SGCZ: variants seen among roughly 807,000 people sequenced by gnomAD.
SGCZ encodes the protein sarcoglycan zeta.
SGCZ carries 40 observed loss-of-function variants against 41.3 expected under a neutral mutation model. The observed-to-expected ratio is 0.97, with a 90% CI of 0.75 to 1.26. The LOEUF (loss-of-function observed/expected upper bound fraction) is 1.26. SGCZ is among the 50% of genes most tolerant of loss of function. The probability of loss-of-function intolerance (pLI) is 0.00; values close to 1 mark genes in which losing one functional copy is unlikely to be tolerated. For missense variants in SGCZ, 552 were observed against 369.8 expected (o/e 1.49, Z -4.04); for synonymous variants, 206 against 137.5 (o/e 1.50, Z -3.49).
intron 1 of SGCZ, among the ~76,000 whole-genome samples, chr8:15,144,231 A>G (rs1393442824): frequency 4.6e-5 from 7 of 152,306 alleles, no homozygotes; most frequent in Non-Finnish European, 2.9e-5. Flanking sequence ...TTCTTGGCAA[A>G]GGTTCAGACT....
intron 2 of SGCZ, among the ~76,000 whole-genome samples, chr8:14,400,437 A>G (rs1799039546): frequency 6.6e-6 from 1 of 152,140 alleles, no homozygotes; most frequent in East Asian, 1.9e-4. Context: ...AGAATAATAC[A>G]TATATAAGCA....
intron 1 of SGCZ, among the ~76,000 whole-genome samples, chr8:14,825,199 A>G (rs1457444069): frequency 6.6e-6 from 1 of 152,178 alleles, no homozygotes; most frequent in Non-Finnish European, 1.5e-5. Flanking sequence ...TTAACATTAT[A>G]CATTCATCCA....
chr8:14,431,371 C>T (rs866622793), intron 2 of SGCZ, among the ~76,000 whole-genome samples: 18 of 152,144 alleles, frequency 1.2e-4, no homozygotes, highest in Middle Eastern at 3.4e-3. Flanking sequence ...AATGGAGAAC[C>T]CAGAAATAAA....
intron 5 of SGCZ, among the ~76,000 whole-genome samples, chr8:14,155,994 T>C (rs1803864664): frequency 6.6e-6 from 1 of 152,016 alleles, no homozygotes; most frequent in South Asian, 2.1e-4. Flanking sequence ...AAAATAATGA[T>C]ATAAAAGATT....
intron 3 of SGCZ, among the ~76,000 whole-genome samples, chr8:14,268,399 T>C (rs1048229140): frequency 6.6e-6 from 1 of 151,166 alleles, no homozygotes; most frequent in Non-Finnish European, 1.5e-5. Flanking sequence ...CATTGCTTCA[T>C]ACCATTTTTG....
intron 1 of SGCZ, among the ~76,000 whole-genome samples, chr8:14,984,881 CAG>C (rs1252022642): frequency 2.0e-5 from 3 of 152,202 alleles, no homozygotes; most frequent in Non-Finnish European, 4.4e-5. Flanking sequence ...GTAGTTGACA[CAG>C]AGATTTTGAT....
intron 2 of SGCZ, among the ~76,000 whole-genome samples, chr8:14,440,953 A>T (rs541755529): frequency 6.2e-4 from 95 of 152,218 alleles, no homozygotes; most frequent in Admixed American, 4.9e-3. Flanking sequence ...AAAGTCATGG[A>T]GACTTTATGA....
chr8:14,816,999 G>A (rs539612186), intron 1 of SGCZ, among the ~76,000 whole-genome samples: 61 of 152,238 alleles, frequency 4.0e-4, no homozygotes, highest in Middle Eastern at 3.4e-3. Flanking sequence ...AGAAACTGAA[G>A]GTCAAGTGGT....
chr8:15,172,922 A>G lies in SGCZ; in HGVS notation c.39+64663T>C, dbSNP rs17655937. Among the ~76,000 whole-genome samples the G allele has an allele frequency of 6.1e-3, 925 of 152,320 alleles. 24 individuals carry two copies. In the East Asian group the frequency reaches 0.083, roughly 14 times the overall value. ...GGAAAATAAAAACTTAATATGGAAA[A>G]CGTATTAATACTAGTTAAATCCAAA... On this transcript the variant is annotated intron_variant, in intron 1 of 7. Transcript: ENST00000382080.
intron 3 of SGCZ, among the ~76,000 whole-genome samples, chr8:14,297,921 T>C (rs974583097): frequency 1.3e-5 from 2 of 151,926 alleles, no homozygotes; most frequent in African/African-American, 4.8e-5. Flanking sequence ...ATAATACAAC[T>C]AGATAAAAGT....
chr8:14,604,567 A>G (rs1805689263), intron 1 of SGCZ, among the ~76,000 whole-genome samples: 1 of 152,156 alleles, frequency 6.6e-6, no homozygotes. Flanking sequence ...TGTTTACTAC[A>G]TGTTGCAATG....
At chr8:14,278,012 A>G (rs1800295500) in intron 3 of SGCZ, among the ~76,000 whole-genome samples, 1 of 152,156 alleles carries the variant, frequency 6.6e-6, no homozygotes, top group Non-Finnish European at 1.5e-5. Context: ...GAGATTACCT[A>G]TGGGAATTCA....
intron 1 of SGCZ, among the ~76,000 whole-genome samples, chr8:15,230,201 A>G (rs1448796914): frequency 1.4e-5 from 2 of 145,662 alleles, no homozygotes; most frequent in South Asian, 2.2e-4. Flanking sequence ...AAAAAAAAAA[A>G]ACTGTAATGT....
chr8:15,061,277 A>G (rs950285383), intron 1 of SGCZ, among the ~76,000 whole-genome samples: 2 of 147,858 alleles, frequency 1.4e-5, no homozygotes, highest in Middle Eastern at 6.9e-3. Context: ...ACAAACTAAC[A>G]CAGGAACAGA....
rs535820870 is a variant in SGCZ at position 14,211,389 on chromosome 8, T to A, written c.424+26203A>T. On this transcript the variant is annotated intron_variant, in intron 4 of 7. Coordinates refer to ENST00000382080, the MANE Select transcript of SGCZ (RefSeq NM_139167.4). ...CAGTTTCCCCTGACACCGTCCATAC[T>A]TCTCCACTTATGATGTCCCAGCAAA... 4.6e-5 allele frequency among the ~76,000 whole-genome samples: 7 copies of A among 152,254 alleles called. No homozygotes were observed. In the South Asian group the frequency reaches 1.4e-3, roughly 32 times the overall value.
chr8:14,568,897 T>C (rs1040476721), intron 1 of SGCZ, among the ~76,000 whole-genome samples: 8 of 152,146 alleles, frequency 5.3e-5, no homozygotes, highest in Admixed American at 3.9e-4. Context: ...ATTCAAGCAA[T>C]TGGAAACATA....
intron 4 of SGCZ, among the ~76,000 whole-genome samples, chr8:14,207,636 G>A (rs1488757644): frequency 2.0e-5 from 3 of 151,878 alleles, no homozygotes; most frequent in African/African-American, 7.3e-5. Flanking sequence ...TTCTGTTTAT[G>A]TAGTAGTGCT....
chr8:14,145,526 G>A (rs1328317130), intron 5 of SGCZ, among the ~76,000 whole-genome samples: 1 of 152,084 alleles, frequency 6.6e-6, no homozygotes, highest in Non-Finnish European at 1.5e-5. Context: ...TCAATGCCCA[G>A]ACACCAAAGA....
chr8:14,665,042 T>G (rs1407991170), intron 1 of SGCZ, among the ~76,000 whole-genome samples: 2 of 152,180 alleles, frequency 1.3e-5, no homozygotes, highest in Non-Finnish European at 2.9e-5. Context: ...ACTCTAAGTT[T>G]TAGGGTACAT....
Sources: gnomAD v4.1 joint callset for allele counts (sites outside exome capture counted in the v4.1 genomes callset) on GRCh38, gnomAD v4.1.1 for gene constraint, MANE v1.5 for transcripts, NCBI Gene and HGNC (gene_info 2026-07-23, HGNC 2026-07-21) for gene names.